TRDN: variants seen among roughly 807,000 people sequenced by gnomAD.
TRDN encodes the protein triadin in skeletal muscle.
TRDN carries 161 observed loss-of-function variants against 149.7 expected under a neutral mutation model. That is an observed-to-expected ratio of 1.08 (90% confidence interval 0.95 to 1.23). The LOEUF is 1.23. TRDN is among the 50% of genes most tolerant of loss of function. The pLI, the probability that TRDN is intolerant of heterozygous loss-of-function variation, is 0.00. For synonymous variants in TRDN, 294 were observed against 250.5 expected (o/e 1.17, Z -1.64); for missense variants, 896 against 823.5 (o/e 1.09, Z -1.08).
At chr6:123,279,925 C>T (rs201364552) in intron 24 of TRDN, among the ~76,000 whole-genome samples, 3 of 152,106 alleles carry the variant, frequency 2.0e-5, no homozygotes, top group East Asian at 1.9e-4. Context: ...AATTACTCCT[C>T]ATACTGGAAA....
At chr6:123,581,211 C>G (rs905884890) in intron 1 of TRDN, among the ~76,000 whole-genome samples, 3 of 152,192 alleles carry the variant, frequency 2.0e-5, no homozygotes, top group Non-Finnish European at 4.4e-5. Context: ...TAAATTCCCA[C>G]TGTTTAAATC....
chr6:123,320,598 T>C lies in TRDN; in HGVS notation c.1472-4103A>G, dbSNP rs557726499. Among the ~76,000 whole-genome samples the C allele has an allele frequency of 2.0e-5, 3 of 152,190 alleles. No homozygotes were observed. In the South Asian group the frequency reaches 6.2e-4, roughly 32 times the overall value. ...TCCCTAGTAAGTGGCAAAACTGGGA[T>C]TTGAATTCCGTTTCCAAAGTTTTAA... On this transcript the variant is annotated intron_variant, in intron 23 of 40. Coordinates refer to ENST00000334268, the MANE Select transcript of TRDN (RefSeq NM_006073.4).
chr6:123,380,318 G>T lies in TRDN; in HGVS notation c.1186+1052C>A, dbSNP rs528362385. Among the ~76,000 whole-genome samples, 6 of 152,292 alleles carry T rather than the reference G, an allele frequency of 3.9e-5. No homozygotes were observed. In the South Asian group the frequency reaches 6.2e-4, roughly 16 times the overall value. ...ATAAACTGTAATAAAGGGCCTTAAG[G>T]CTATCTCTATATGTACTTTAATACT... On this transcript the variant is annotated intron_variant, in intron 16 of 40. Coordinates refer to ENST00000334268, the MANE Select transcript of TRDN (RefSeq NM_006073.4).
intron 38 of TRDN, among the ~76,000 whole-genome samples, chr6:123,246,567 G>T (rs1259355342): frequency 6.6e-6 from 1 of 151,422 alleles, no homozygotes; most frequent in African/African-American, 2.4e-5. Flanking sequence ...CCAATAAAAC[G>T]TTCTGAAATT....
intron 1 of TRDN, among the ~76,000 whole-genome samples, chr6:123,604,569 G>C (rs1784435680): frequency 3.9e-5 from 6 of 152,106 alleles, no homozygotes; most frequent in Admixed American, 2.6e-4. Context: ...CAGTAGTTGG[G>C]GTAAGACTCA....
intron 24 of TRDN, among the ~76,000 whole-genome samples, chr6:123,303,194 C>T (rs181506053): frequency 6.6e-6 from 1 of 152,202 alleles, no homozygotes; most frequent in Non-Finnish European, 1.5e-5. Context: ...CTACATCTTT[C>T]TGTCTTCATT....
intron 11 of TRDN, among the ~76,000 whole-genome samples, chr6:123,438,478 CA>C (rs1463674973): frequency 6.6e-6 from 1 of 152,044 alleles, no homozygotes; most frequent in Admixed American, 6.5e-5. Flanking sequence ...AGAACCATGT[CA>C]AAAGTTCTGA....
intron 4 of TRDN, among the ~76,000 whole-genome samples, chr6:123,539,191 C>T (rs1780699634): frequency 6.6e-6 from 1 of 152,166 alleles, no homozygotes; most frequent in African/African-American, 2.4e-5. Context: ...GAACCACAGT[C>T]CAAAGTGAAA....
intron 24 of TRDN, among the ~76,000 whole-genome samples, 191 bp downstream of exon 24, chr6:123,316,266 T>G (rs1173666283): frequency 6.6e-6 from 1 of 151,896 alleles, no homozygotes; most frequent in African/African-American, 2.4e-5. Context: ...AAGGAATTTT[T>G]GTTAACTTTA....
chr6:123,451,699 A>C (rs1165153339), intron 10 of TRDN, among the ~76,000 whole-genome samples: 1 of 152,148 alleles, frequency 6.6e-6, no homozygotes, highest in African/African-American at 2.4e-5. Context: ...TACTTTTGAC[A>C]CTATTCCACA....
At chr6:123,374,482 A>T (rs4897204) in intron 19 of TRDN, among the ~76,000 whole-genome samples, 79,037 of 151,942 alleles carry the variant, frequency 0.52, 21,319 homozygotes, top group African/African-American at 0.63. Flanking sequence ...TTAACTAAAA[A>T]TTTTCATGGA....
intron 1 of TRDN, among the ~76,000 whole-genome samples, chr6:123,592,867 GA>G (rs1783850927): frequency 6.6e-6 from 1 of 151,878 alleles, no homozygotes; most frequent in African/African-American, 2.4e-5. Context: ...TTCTATCTTA[GA>G]AAAAAATAAG....
intron 9 of TRDN, among the ~76,000 whole-genome samples, chr6:123,492,022 A>G (rs1267071119): frequency 6.6e-6 from 1 of 152,196 alleles, no homozygotes; most frequent in Non-Finnish European, 1.5e-5. Flanking sequence ...CAAGAAAAGG[A>G]TCTTAATAAA....
At chr6:123,480,496 T>C (rs1777702425) in intron 9 of TRDN, among the ~76,000 whole-genome samples, 1 of 152,132 alleles carries the variant, frequency 6.6e-6, no homozygotes, top group Non-Finnish European at 1.5e-5. Flanking sequence ...TCACAATGCA[T>C]ATTCCTGAAT....
At chr6:123,528,721 A>C in intron 5 of TRDN, 1 of 988,020 alleles carries the variant, frequency 1.0e-6, no homozygotes, top group Non-Finnish European at 1.2e-6. Flanking sequence ...CTATTTGAGA[A>C]TAAAGAGCAG....
At chr6:123,349,363 T>G (rs1780367936) in intron 21 of TRDN, 2 of 202,824 alleles carry the variant, frequency 9.9e-6, no homozygotes, top group South Asian at 1.7e-4. Context: ...CCGAAGCCCA[T>G]GCTATGCCCC....
At chr6:123,286,207 C>A (rs1369725301) in intron 24 of TRDN, among the ~76,000 whole-genome samples, 1 of 151,990 alleles carries the variant, frequency 6.6e-6, no homozygotes, top group Non-Finnish European at 1.5e-5. Flanking sequence ...TATTATACTA[C>A]AAGGATACTT....
At chr6:123,418,028 A>G (rs192927946) in intron 12 of TRDN, among the ~76,000 whole-genome samples, 2 of 152,280 alleles carry the variant, frequency 1.3e-5, no homozygotes, top group East Asian at 1.9e-4. Flanking sequence ...GGCTCTCACA[A>G]TTAAAATTAC....
chr6:123,570,542 T>C (rs1782517072), intron 2 of TRDN, among the ~76,000 whole-genome samples: 1 of 152,192 alleles, frequency 6.6e-6, no homozygotes, highest in Non-Finnish European at 1.5e-5. Flanking sequence ...AAAAGTGTTT[T>C]GATTGGTTTG....
Sources: gnomAD v4.1 joint callset for allele counts (sites outside exome capture counted in the v4.1 genomes callset) on GRCh38, gnomAD v4.1.1 for gene constraint, MANE v1.5 for transcripts, NCBI Gene and HGNC (gene_info 2026-07-23, HGNC 2026-07-21) for gene names.